ERC1: variants seen among roughly 807,000 people sequenced by gnomAD.
The protein encoded by ERC1 is ELKS/RAB6-interacting/CAST family member 1.
ERC1 carries 56 observed loss-of-function variants against 132.0 expected under a neutral mutation model. The ratio of observed to expected loss-of-function variants is 0.42; its 90% CI spans 0.34 to 0.53. The LOEUF (loss-of-function observed/expected upper bound fraction) is 0.53. Among genes scored for constraint, ERC1 ranks in the 20% least tolerant of loss-of-function variants. ERC1 has a pLI of 0.03. For synonymous variants in ERC1, 478 were observed against 476.1 expected, an observed-to-expected ratio of 1.00 and a Z score of -0.05; for missense variants, 1,202 against 1,349.9, an observed-to-expected ratio of 0.89 and a Z score of 1.72.
intron 7 of ERC1, among the ~76,000 whole-genome samples, chr12:1,132,855 G>A (rs551667493): frequency 8.5e-4 from 124 of 145,288 alleles, no homozygotes; most frequent in South Asian, 2.2e-3. Context: ...AATAATGTGG[G>A]TTTTTTTTTT....
intron 2 of ERC1, among the ~76,000 whole-genome samples, chr12:1,042,748 A>C (rs1386228806): frequency 6.6e-6 from 1 of 151,994 alleles, no homozygotes; most frequent in Non-Finnish European, 1.5e-5. Flanking sequence ...AGTTTGTTTT[A>C]TAGGACTTAA....
chr12:1,110,113 A>G, intron 4 of ERC1, 79 bp from the exon 5 acceptor site: 1 of 1,205,824 alleles, frequency 8.3e-7, no homozygotes, highest in Non-Finnish European at 1.1e-6. Context: ...ATTAAATGTA[A>G]CTTCTTTAAA....
intron 18 of ERC1, among the ~76,000 whole-genome samples, chr12:1,488,220 A>G (rs1592375603): frequency 6.6e-6 from 1 of 151,476 alleles, no homozygotes; most frequent in South Asian, 2.1e-4. Context: ...GGCTCAAGCG[A>G]TTCCCCCACC....
chr12:1,481,263 C>A (rs557265697), intron 18 of ERC1, among the ~76,000 whole-genome samples: 5 of 152,302 alleles, frequency 3.3e-5, no homozygotes, highest in Admixed American at 3.3e-4. Context: ...TGTGAATAAT[C>A]CATTTCAGGT....
intron 2 of ERC1, among the ~76,000 whole-genome samples, chr12:1,061,995 T>C (rs1193820029): frequency 7.0e-6 from 1 of 142,234 alleles, no homozygotes; most frequent in Non-Finnish European, 1.5e-5. Flanking sequence ...TCTTCTTTTT[T>C]TTTTTTTTTT....
intron 17 of ERC1, among the ~76,000 whole-genome samples, chr12:1,428,293 T>C (rs1256626322): frequency 6.6e-6 from 1 of 152,242 alleles, no homozygotes. Context: ...TCAACAAATA[T>C]TTATTTAAAT....
At chr12:1,146,318 T>TTTTTG (rs1950354998) in intron 8 of ERC1, among the ~76,000 whole-genome samples, 2 of 135,054 alleles carry the variant, frequency 1.5e-5, no homozygotes, top group Admixed American at 1.4e-4. Context: ...GTTTTTTTTT[T>TTTTTG]TTTTTTTTTT....
intron 16 of ERC1, among the ~76,000 whole-genome samples, chr12:1,404,559 T>G (rs1254524183): frequency 6.6e-6 from 1 of 152,236 alleles, no homozygotes; most frequent in East Asian, 1.9e-4. Flanking sequence ...CTTTAGGAGT[T>G]CAGTTTCCTA....
intron 12 of ERC1, among the ~76,000 whole-genome samples, chr12:1,191,661 A>G (rs1955746297): frequency 6.6e-6 from 1 of 152,202 alleles, no homozygotes; most frequent in Admixed American, 6.5e-5. Flanking sequence ...CTTGATATCC[A>G]AAGCACACCA....
intron 15 of ERC1, among the ~76,000 whole-genome samples, chr12:1,329,899 CA>C (rs1448353396): frequency 6.6e-6 from 1 of 152,138 alleles, no homozygotes; most frequent in African/African-American, 2.4e-5. Context: ...CTTTTGACCC[CA>C]CTTTTCTAGT....
intron 7 of ERC1, among the ~76,000 whole-genome samples, chr12:1,118,566 A>G (rs943927803): frequency 2.0e-5 from 3 of 152,220 alleles, no homozygotes; most frequent in African/African-American, 7.2e-5. Context: ...TAAAAGATAA[A>G]AGAATGAAAG....
chr12:1,003,667 T>C (rs1382535416), intron 1 of ERC1, among the ~76,000 whole-genome samples: 1 of 152,228 alleles, frequency 6.6e-6, no homozygotes, highest in Non-Finnish European at 1.5e-5. Flanking sequence ...TTAGGCATGA[T>C]GTTGTCAAGC....
chr12:1,066,516 T>C (rs1242288445), intron 2 of ERC1, among the ~76,000 whole-genome samples: 1 of 152,148 alleles, frequency 6.6e-6, no homozygotes, highest in Non-Finnish European at 1.5e-5. Flanking sequence ...AACACAGATT[T>C]GTTGAATGAG....
intron 7 of ERC1, among the ~76,000 whole-genome samples, chr12:1,137,635 A>G (rs1593607234): frequency 6.6e-6 from 1 of 151,472 alleles, no homozygotes; most frequent in East Asian, 2.0e-4. Flanking sequence ...AGATCACCTG[A>G]GGTCAGGAGT....
In ERC1 at chr12:1,137,136, G is replaced by C. The variant is rs1026853796; in HGVS notation, c.1570-4484G>C. Among the ~76,000 whole-genome samples, 6 of 118,878 alleles carry C rather than the reference G, an allele frequency of 5.0e-5. No individual in the cohort carries two copies. The East Asian group carries it at 9.8e-4, about 19-fold the overall frequency. The allele number at this position is 118,878 out of a possible 152,430, so 78.0% of individuals were successfully genotyped here. On this transcript the variant is annotated intron_variant, in intron 7 of 18. Coordinates refer to ENST00000360905, the MANE Select transcript of ERC1 (RefSeq NM_178040.4). ...TTTTTTTGAGACAGAGTCTCACTCT[G>C]TTGGCAGGCTGGAGTGCAGTGGCAC...
intron 1 of ERC1, among the ~76,000 whole-genome samples, chr12:997,615 A>G (rs1012953914): frequency 2.0e-5 from 3 of 152,132 alleles, no homozygotes; most frequent in Admixed American, 2.0e-4. Flanking sequence ...ATCCTTACTG[A>G]GTATGGGGGA....
At chr12:1,074,403 C>T (rs1243949203) in intron 2 of ERC1, among the ~76,000 whole-genome samples, 1 of 151,954 alleles carries the variant, frequency 6.6e-6, no homozygotes, top group Non-Finnish European at 1.5e-5. Flanking sequence ...TGGGTGCAAG[C>T]GATTTTCCTG....
chr12:1,386,895 T>G (rs1051091716), intron 16 of ERC1: 2 of 152,148 alleles, frequency 1.3e-5, no homozygotes, highest in African/African-American at 4.8e-5. Flanking sequence ...AGATTTTCTG[T>G]CAACAGAGCA....
intron 14 of ERC1, among the ~76,000 whole-genome samples, chr12:1,265,047 C>G (rs996372511): frequency 1.3e-5 from 2 of 152,128 alleles, no homozygotes; most frequent in Admixed American, 1.3e-4. Context: ...GTGCCCTGTT[C>G]CTAGATAAAT....
Sources: gnomAD v4.1 joint callset for allele counts (sites outside exome capture counted in the v4.1 genomes callset) on GRCh38, gnomAD v4.1.1 for gene constraint, MANE v1.5 for transcripts, NCBI Gene and HGNC (gene_info 2026-07-23, HGNC 2026-07-21) for gene names.